ZNF385D: variants seen among roughly 807,000 people sequenced by gnomAD.
ZNF385D encodes the protein zinc finger protein 385D.
A neutral mutation model predicts 35.8 loss-of-function variants in ZNF385D; 15 were observed. The ratio of observed to expected loss-of-function variants is 0.42; its 90% CI spans 0.28 to 0.64. The LOEUF (loss-of-function observed/expected upper bound fraction) is 0.64, where lower values mean the gene tolerates loss of function less well. Among genes scored for constraint, ZNF385D ranks in the 30% least tolerant of loss-of-function variants. ZNF385D has a pLI of 0.23. For missense variants in ZNF385D, 474 were observed against 494.6 expected, an observed-to-expected ratio of 0.96 and a Z score of 0.39; for synonymous variants, 212 against 186.8, an observed-to-expected ratio of 1.13 and a Z score of -1.10.
At chr3:22,141,433 A>T (rs193260833) in intron 3 of ZNF385D, among the ~76,000 whole-genome samples, 2,297 of 152,316 alleles carry the variant, frequency 0.015, 19 homozygotes, top group Non-Finnish European at 0.025. Context: ...CACTGTTATA[A>T]ATCTTGATTT....
chr3:22,045,824 G>T (rs35963336), intron 3 of ZNF385D, among the ~76,000 whole-genome samples: 15,409 of 151,870 alleles, frequency 0.1, 1,042 homozygotes, highest in South Asian at 0.24. Flanking sequence ...GGCTACCTGG[G>T]GCCCCAGCTG....
intron 3 of ZNF385D, among the ~76,000 whole-genome samples, chr3:21,931,142 G>C (rs1303250646): frequency 1.3e-5 from 2 of 152,006 alleles, no homozygotes; most frequent in Non-Finnish European, 2.9e-5. Context: ...CATGGAGAAA[G>C]GATCTGATTG....
chr3:22,230,664 G>C lies in ZNF385D; in HGVS notation c.107-61629C>G, dbSNP rs574092875. 4.6e-5 allele frequency among the ~76,000 whole-genome samples: 7 copies of C among 152,270 alleles called. No homozygotes were observed. In the South Asian group the frequency reaches 6.2e-4, roughly 14 times the overall value. On this transcript the variant is annotated intron_variant, in intron 2 of 5. Coordinates refer to the ZNF385D transcript ENST00000494108. Reference sequence around the variant, plus strand: ...TTCAAGTTAGCTAGTGAAAATGAGGGAATCACTTAGAGTACATATGCCATT... The same window carrying C: ...TTCAAGTTAGCTAGTGAAAATGAGGCAATCACTTAGAGTACATATGCCATT...
chr3:22,095,333 ATTTC>A (rs1473434309), intron 3 of ZNF385D, among the ~76,000 whole-genome samples: 1 of 151,658 alleles, frequency 6.6e-6, no homozygotes, highest in Non-Finnish European at 1.5e-5. Flanking sequence ...CTGCACATCT[ATTTC>A]TTTATCACAG....
chr3:22,326,209 C>T (rs1335563444), intron 2 of ZNF385D, among the ~76,000 whole-genome samples: 2 of 152,088 alleles, frequency 1.3e-5, no homozygotes, highest in Non-Finnish European at 2.9e-5. Flanking sequence ...ATTACTATAC[C>T]CCTGTCTCAG....
At chr3:22,086,386 A>G (rs1171403011) in intron 3 of ZNF385D, among the ~76,000 whole-genome samples, 3 of 152,170 alleles carry the variant, frequency 2.0e-5, no homozygotes, top group African/African-American at 7.2e-5. Flanking sequence ...TGCAAAAATC[A>G]CAAGCATTCC....
chr3:21,664,481 GA>G (rs2066340799), intron 2 of ZNF385D, among the ~76,000 whole-genome samples: 1 of 152,060 alleles, frequency 6.6e-6, no homozygotes, highest in African/African-American at 2.4e-5. Flanking sequence ...TATTAAGTTA[GA>G]AAAACGTAAC....
At chr3:21,493,076 G>T (rs1043534276) in intron 4 of ZNF385D, among the ~76,000 whole-genome samples, 2 of 152,090 alleles carry the variant, frequency 1.3e-5, no homozygotes, top group Non-Finnish European at 2.9e-5. Context: ...ATCTATTCTT[G>T]CTAGAGCAAG....
At chr3:22,038,950 A>C (rs1193081238) in intron 3 of ZNF385D, among the ~76,000 whole-genome samples, 1 of 150,598 alleles carries the variant, frequency 6.6e-6, no homozygotes, top group Non-Finnish European at 1.5e-5. Flanking sequence ...ATGATCAGGC[A>C]TGACTCAATG....
chr3:21,939,990 C>T (rs1302331366), intron 3 of ZNF385D, among the ~76,000 whole-genome samples: 3 of 152,130 alleles, frequency 2.0e-5, no homozygotes, highest in Non-Finnish European at 2.9e-5. Context: ...TTTAGACTAA[C>T]CAGTGAGGAA....
At chr3:21,927,816 C>A (rs1388275413) in intron 3 of ZNF385D, among the ~76,000 whole-genome samples, 4 of 152,200 alleles carry the variant, frequency 2.6e-5, no homozygotes, top group African/African-American at 9.6e-5. Context: ...AACAATAGAG[C>A]TCCAAAGAAT....
intron 3 of ZNF385D, among the ~76,000 whole-genome samples, chr3:22,131,968 A>T (rs1348200285): frequency 6.6e-6 from 1 of 152,196 alleles, no homozygotes; most frequent in African/African-American, 2.4e-5. Flanking sequence ...GAACAAACAT[A>T]TTAAGTATGT....
chr3:21,761,879 T>C (rs1055159695), intron 3 of ZNF385D, among the ~76,000 whole-genome samples: 5 of 130,394 alleles, frequency 3.8e-5, no homozygotes, highest in Admixed American at 7.7e-5. Context: ...CTTTTTTTTT[T>C]TTTTTTTTTT....
chr3:21,806,544 T>C (rs1427348093), intron 3 of ZNF385D, among the ~76,000 whole-genome samples: 3 of 152,114 alleles, frequency 2.0e-5, no homozygotes, highest in African/African-American at 7.2e-5. Flanking sequence ...TCACAGAACA[T>C]GTATACGTGA....
At chr3:21,852,399 G>A (rs937298528) in intron 3 of ZNF385D, among the ~76,000 whole-genome samples, 1 of 151,780 alleles carries the variant, frequency 6.6e-6, no homozygotes. Context: ...TCATAAAAGA[G>A]GCTCCCCAAG....
At chr3:22,149,857 A>G (rs1279388348) in intron 3 of ZNF385D, among the ~76,000 whole-genome samples, 2 of 151,972 alleles carry the variant, frequency 1.3e-5, no homozygotes, top group African/African-American at 4.8e-5. Flanking sequence ...CTTTGATGTT[A>G]TCAGTGCTAA....
chr3:21,711,048 T>TTTTTTTTTA (rs1365038606), intron 1 of ZNF385D, among the ~76,000 whole-genome samples: 1 of 128,970 alleles, frequency 7.8e-6, no homozygotes, highest in Non-Finnish European at 1.6e-5. Flanking sequence ...AGTTTTTTTT[T>TTTTTTTTTA]TTTTTTTTTT....
intron 1 of ZNF385D, among the ~76,000 whole-genome samples, chr3:21,667,179 G>T (rs765947917): frequency 6.6e-6 from 1 of 152,184 alleles, no homozygotes; most frequent in African/African-American, 2.4e-5. Flanking sequence ...TGTTGCTTTT[G>T]AGACAGGATC....
intron 1 of ZNF385D, among the ~76,000 whole-genome samples, chr3:21,724,540 T>C (rs1340144218): frequency 2.4e-5 from 3 of 123,176 alleles, no homozygotes; most frequent in East Asian, 2.3e-4. Context: ...AATCCTAATG[T>C]CTGATCAAAC....
Sources: gnomAD v4.1 joint callset for allele counts (sites outside exome capture counted in the v4.1 genomes callset) on GRCh38, gnomAD v4.1.1 for gene constraint, MANE v1.5 for transcripts, NCBI Gene and HGNC (gene_info 2026-07-23, HGNC 2026-07-21) for gene names.